The following FRMPD1 variants were observed in gnomAD, a reference collection of about 807,000 sequenced individuals.
FRMPD1 encodes the protein FERM and PDZ domain-containing protein 1.
A neutral mutation model predicts 117.8 loss-of-function variants in FRMPD1; 76 were observed. The observed-to-expected ratio is 0.65, with a 90% CI of 0.54 to 0.78. The LOEUF is 0.78. FRMPD1 is among the 30% of genes least tolerant of loss of function. The pLI, the probability that FRMPD1 is intolerant of heterozygous loss-of-function variation, is 0.00. For missense variants in FRMPD1, 1,786 were observed against 1,964.5 expected, an observed-to-expected ratio of 0.91 and a Z score of 1.72; for synonymous variants, 783 against 770.4, an observed-to-expected ratio of 1.02 and a Z score of -0.27.
At chr9:37,719,415 T>C (rs368527499) in intron 6 of FRMPD1, among the ~76,000 whole-genome samples, 4 of 152,220 alleles carry the variant, frequency 2.6e-5, no homozygotes, top group Non-Finnish European at 4.4e-5. Context: ...GGCCCTCTAT[T>C]GTTCTGTGAC....
chr9:37,628,714 TGAG>T, the FRMPD1 span, among the ~76,000 whole-genome samples: 1 of 152,180 alleles, frequency 6.6e-6, no homozygotes, highest in Admixed American at 6.5e-5. Context: ...TGTAGCATAG[TGAG>T]GAGAAGGGAC....
chr9:37,742,410 T>C (rs1824466293), intron 15 of FRMPD1, among the ~76,000 whole-genome samples: 1 of 152,146 alleles, frequency 6.6e-6, no homozygotes, highest in Non-Finnish European at 1.5e-5. Flanking sequence ...TTTTGTTTTT[T>C]ATAGGGAGCC....
At chr9:37,638,022 T>TTCTCTC in the FRMPD1 span, among the ~76,000 whole-genome samples, 1 of 81,076 alleles carries the variant, frequency 1.2e-5, no homozygotes. Flanking sequence ...CTTTCTTTCT[T>TTCTCTC]TCTCTCTCTT....
chr9:37,737,311 T>TA lies in FRMPD1; in HGVS notation c.1549+71dup. ...ACTGGCCTTGTAGGTAAGGGCAGCC[T>TA]AAAGGGAGGTGGTGAATTGAATTGA... On this transcript the variant is annotated intron_variant, in intron 14 of 15. Coordinates refer to ENST00000377765, the MANE Select transcript of FRMPD1 (RefSeq NM_014907.3). The TA allele has an allele frequency of 4.2e-6, 6 of 1,437,688 alleles. No homozygotes were observed. In the Admixed American group the frequency reaches 1.0e-4, roughly 25 times the overall value. The allele number at this position is 1,437,688 out of a possible 1,614,324, so 89.1% of individuals were successfully genotyped here.
rs1438934461 is a variant in FRMPD1 at position 37,729,703 on chromosome 9, T to G, written c.613-25T>G. The G allele has an allele frequency of 1.6e-5, 25 of 1,612,208 alleles. No homozygotes were observed. In the Admixed American group the frequency reaches 4.0e-4, roughly 26 times the overall value. ...AAGTCCTTCCTGTTTCTTGCGTAAC[T>G]CCTGCACCTCTCTGTGCCTGCTAGG... On this transcript the variant is annotated intron_variant, in intron 7 of 15. Transcript: ENST00000377765.
intron 5 of FRMPD1, among the ~76,000 whole-genome samples, chr9:37,718,340 G>A (rs1164175949): frequency 2.0e-5 from 3 of 152,204 alleles, no homozygotes; most frequent in African/African-American, 4.8e-5. Context: ...CCACACCAAG[G>A]GAACATAGGC....
the FRMPD1 span, among the ~76,000 whole-genome samples, chr9:37,613,510 G>T: frequency 6.6e-6 from 1 of 152,196 alleles, no homozygotes; most frequent in Non-Finnish European, 1.5e-5. Context: ...ATGATACTTT[G>T]CTGGCTCTTA....
intron 12 of FRMPD1, among the ~76,000 whole-genome samples, chr9:37,734,252 G>A (rs1824022653): frequency 1.3e-5 from 2 of 152,152 alleles, no homozygotes; most frequent in South Asian, 4.1e-4. Flanking sequence ...GGCATTCTGG[G>A]TCAGAAGGGG....
At chr9:37,622,935 G>C in the FRMPD1 span, among the ~76,000 whole-genome samples, 4 of 151,868 alleles carry the variant, frequency 2.6e-5, no homozygotes, top group African/African-American at 7.3e-5. Flanking sequence ...AAAACAAAGA[G>C]AGATGCTTAT....
intron 12 of FRMPD1, among the ~76,000 whole-genome samples, chr9:37,735,098 A>G (rs80349760): frequency 0.032 from 4,848 of 152,356 alleles, 111 homozygotes; most frequent in Non-Finnish European, 0.05. Context: ...ATAAGAAGTC[A>G]TAAGTGTTCA....
chr9:37,628,813 T>C, the FRMPD1 span, among the ~76,000 whole-genome samples: 3 of 152,202 alleles, frequency 2.0e-5, no homozygotes, highest in Non-Finnish European at 4.4e-5. Context: ...GCGTCTTCCC[T>C]ATAAAATGAA....
chr9:37,663,011 C>T (rs1023966981), intron 1 of FRMPD1, among the ~76,000 whole-genome samples: 6 of 152,162 alleles, frequency 3.9e-5, no homozygotes, highest in Admixed American at 3.3e-4. Flanking sequence ...TAGATGCGTA[C>T]AACCTGTGCA....
At chr9:37,650,250 C>G (rs1163945267), upstream of FRMPD1, among the ~76,000 whole-genome samples, 2 of 152,170 alleles carry the variant, frequency 1.3e-5, no homozygotes, top group Non-Finnish European at 2.9e-5. Flanking sequence ...GCGGTAGGAC[C>G]AGAACCAGGG....
At position 37,724,274 on chromosome 9, in the gene FRMPD1, A is replaced by G; in HGVS notation, c.566A>G (p.Asn189Ser). Residue 189 changes from asparagine (N) to serine (S), a missense_variant, in exon 7 of 16, where the codon AAT becomes AGT. Coordinates refer to ENST00000377765, the MANE Select transcript of FRMPD1 (RefSeq NM_014907.3). ...MPNVLKLYLE[N>S]GQTKAFKFEA... Reference sequence around the variant, plus strand: ...AACGTGCTCAAGCTATACTTGGAGAATGGACAGACCAAAGCTTTCAAGTTT... The same window carrying G: ...AACGTGCTCAAGCTATACTTGGAGAGTGGACAGACCAAAGCTTTCAAGTTT... The G allele has an allele frequency of 1.2e-6, 2 of 1,605,782 alleles. No homozygotes were observed. Among genetic ancestry groups the G allele is most frequent in the Non-Finnish European group, 1.7e-6 (2 of 1,172,370 alleles).
chr9:37,694,649 G>C (rs1822256955), intron 2 of FRMPD1, among the ~76,000 whole-genome samples: 1 of 152,102 alleles, frequency 6.6e-6, no homozygotes, highest in Non-Finnish European at 1.5e-5. Flanking sequence ...TCTGCCTCGT[G>C]TCTCAGCCTC....
the FRMPD1 span, among the ~76,000 whole-genome samples, chr9:37,631,485 G>A: frequency 5.3e-3 from 807 of 152,334 alleles, 6 homozygotes; most frequent in African/African-American, 0.019. Context: ...GAGGTTTGTC[G>A]AAAGAGACAA....
chr9:37,679,889 G>A (rs1322968460), intron 1 of FRMPD1, among the ~76,000 whole-genome samples: 1 of 152,240 alleles, frequency 6.6e-6, no homozygotes, highest in Non-Finnish European at 1.5e-5. Context: ...CACTGAGGCT[G>A]CTTGAGGGTA....
chr9:37,740,534 G>A lies in FRMPD1; in HGVS notation c.2006G>A (p.Cys669Tyr), dbSNP rs748743413. 1 of 1,614,094 alleles carries A rather than the reference G, an allele frequency of 6.2e-7. No homozygotes were observed. Among genetic ancestry groups the A allele is most frequent in the Non-Finnish European group, 8.5e-7 (1 of 1,180,036 alleles). Reference sequence around the variant, plus strand: ...CTGGCCCAGAGAGCCAACCCCCAGTGCCAGAAGACAGAGTTTTCCGAGAGT... The same window carrying A: ...CTGGCCCAGAGAGCCAACCCCCAGTACCAGAAGACAGAGTTTTCCGAGAGT... ...LDLAQRANPQCQKTEFSESAA... is the reference protein window; with the variant it reads ...LDLAQRANPQYQKTEFSESAA... Residue 669 changes from cysteine (C) to tyrosine (Y), a missense_variant, in exon 15 of 16, where the codon TGC becomes TAC. Coordinates refer to ENST00000377765, the MANE Select transcript of FRMPD1 (RefSeq NM_014907.3). The surrounding 1 kb of genome is among the most constrained non-coding windows in gnomAD (Gnocchi z 4.2).
At chr9:37,708,056 A>T (rs1253861741) in intron 3 of FRMPD1, among the ~76,000 whole-genome samples, 1 of 152,222 alleles carries the variant, frequency 6.6e-6, no homozygotes, top group East Asian at 1.9e-4. Flanking sequence ...ATTCGTTAAA[A>T]TGTATTGATT....
Sources: gnomAD v4.1 joint callset for allele counts (sites outside exome capture counted in the v4.1 genomes callset) on GRCh38, gnomAD v4.1.1 for gene constraint, Gnocchi (gnomAD v3.1) non-coding constraint, MANE v1.5 for transcripts, NCBI Gene and HGNC (gene_info 2026-07-23, HGNC 2026-07-21) for gene names.